SLC1A6: variants seen among roughly 807,000 people sequenced by gnomAD.
SLC1A6 encodes the protein excitatory amino acid transporter 4.
Under a neutral mutation model 42.1 loss-of-function variants are expected in SLC1A6, and 15 were observed. The observed-to-expected ratio is 0.36, with a 90% confidence interval of 0.24 to 0.55. The LOEUF is 0.55. Ranked by LOEUF, SLC1A6 falls within the 20% of genes least tolerant of loss-of-function variation. SLC1A6 has a pLI of 0.88. For missense variants in SLC1A6, 542 were observed against 772.5 expected (o/e 0.70, Z 3.54); for synonymous variants, 317 against 319.7 (o/e 0.99, Z 0.09).
intron 3 of SLC1A6, among the ~76,000 whole-genome samples, chr19:14,971,017 C>G (rs1319710969): frequency 2.0e-5 from 3 of 152,142 alleles, no homozygotes; most frequent in African/African-American, 7.2e-5. Flanking sequence ...GTAGTCCCAG[C>G]TACTCGGGAG....
At chr19:14,978,936 G>T (rs2045740793) in intron 1 of SLC1A6, among the ~76,000 whole-genome samples, 1 of 149,534 alleles carries the variant, frequency 6.7e-6, no homozygotes, top group Non-Finnish European at 1.5e-5. Context: ...ACTCTTTAGG[G>T]CACAAAACAC....
intron 9 of SLC1A6, 67 bp from the exon 10 acceptor site, chr19:14,950,457 G>A: frequency 8.0e-7 from 1 of 1,252,224 alleles, no homozygotes; most frequent in Non-Finnish European, 1.1e-6. Context: ...AGAGGGTGCA[G>A]CAGAGGGGGG....
At chr19:14,981,056 G>A (rs948680692), upstream of SLC1A6, among the ~76,000 whole-genome samples, 10 of 152,104 alleles carry the variant, frequency 6.6e-5, no homozygotes, top group East Asian at 1.4e-3. Context: ...ACATTGGGAC[G>A]CCAAGGAGAG....
intron 4 of SLC1A6, among the ~76,000 whole-genome samples, chr19:14,966,205 T>G (rs2045571896): frequency 6.6e-6 from 1 of 152,148 alleles, no homozygotes; most frequent in Non-Finnish European, 1.5e-5. Flanking sequence ...AAAAAATTTT[T>G]CATAGGCCGG....
chr19:14,980,708 G>A (rs2045762102), upstream of SLC1A6, among the ~76,000 whole-genome samples: 1 of 149,346 alleles, frequency 6.7e-6, no homozygotes, highest in Non-Finnish European at 1.5e-5. Context: ...TATTGTTGTT[G>A]TTGTTGATGA....
intron 1 of SLC1A6, among the ~76,000 whole-genome samples, chr19:15,007,579 T>C (rs1600044720): frequency 6.6e-6 from 1 of 152,236 alleles, no homozygotes; most frequent in East Asian, 1.9e-4. Flanking sequence ...AAGATGATCA[T>C]AGCATGTGAT....
intron 1 of SLC1A6, among the ~76,000 whole-genome samples, chr19:15,000,847 C>A (rs1007344531): frequency 1.3e-5 from 2 of 152,176 alleles, no homozygotes; most frequent in Admixed American, 6.6e-5. Context: ...TCTGCAATGA[C>A]CCTAATTCCA....
chr19:14,989,755 GGGGT>G (rs201870138), intron 1 of SLC1A6, among the ~76,000 whole-genome samples: 1 of 26,830 alleles, frequency 3.7e-5, no homozygotes, highest in East Asian at 1.4e-3. Flanking sequence ...GGGGTGGCGG[GGGGT>G]GGGGTGTGGA....
rs1400608066 is a variant in SLC1A6, at chr19:14,950,135, C to G, written c.*60G>C. On this transcript the variant is annotated 3_prime_UTR_variant, in exon 10 of 10. Coordinates refer to ENST00000594383, the MANE Select transcript of SLC1A6 (RefSeq NM_005071.3). ...GGTCAGTTGGGCAACAGATGTGTCA[C>G]CAGGACTCCCCTCCCCAGCCCCCTT... 1.5e-6 allele frequency: 2 copies of G among 1,298,040 alleles called. No individual in the cohort carries two copies. The highest frequency in any genetic ancestry group is 3.0e-5 in the African/African-American group (2 of 67,000). 80.4% of individuals were successfully genotyped at this position (1,298,040 alleles called of 1,614,324 possible).
chr19:14,975,639 C>G (rs533355891), intron 1 of SLC1A6, among the ~76,000 whole-genome samples: 1 of 151,672 alleles, frequency 6.6e-6, no homozygotes, highest in South Asian at 2.1e-4. Context: ...GTAATCCCAG[C>G]TACTCCAGAG....
At chr19:14,990,789 A>AC (rs1555709876) in intron 1 of SLC1A6, among the ~76,000 whole-genome samples, 3,738 of 109,682 alleles carry the variant, frequency 0.034, 58 homozygotes, top group East Asian at 0.057. Context: ...AACAAAACAA[A>AC]AAAAAAAAAA....
chr19:14,996,363 G>A (rs1319141871), intron 1 of SLC1A6, among the ~76,000 whole-genome samples: 6 of 152,200 alleles, frequency 3.9e-5, no homozygotes, highest in African/African-American at 1.4e-4. Context: ...GAAGACGGAT[G>A]AAGGTAATGG....
In SLC1A6 at chr19:14,971,845, A is replaced by G; in HGVS notation, c.235T>C (p.Tyr79His). 6.2e-7 allele frequency: 1 copy of G among 1,614,174 alleles called. No homozygotes were observed. The highest frequency in any genetic ancestry group is 8.5e-7 in the Non-Finnish European group (1 of 1,180,006). Residue 79 changes from tyrosine to histidine, a missense_variant, in exon 3 of 10, where the codon TAT becomes CAT. Transcript: ENST00000594383. ...TTGATCTGGCGGTAGGTGAGCTGATATGGGCGCAGGGCAAAGGCCAGGCTG... is the reference window on the plus strand; with the variant it reads ...TTGATCTGGCGGTAGGTGAGCTGATGTGGGCGCAGGGCAAAGGCCAGGCTG... Reference protein sequence around the residue: ...GVSLAFALRPYQLTYRQIKYF... With the variant: ...GVSLAFALRPHQLTYRQIKYF...
chr19:14,958,429 GA>G (rs1471135202), intron 6 of SLC1A6, among the ~76,000 whole-genome samples: 1 of 151,434 alleles, frequency 6.6e-6, no homozygotes, highest in Non-Finnish European at 1.5e-5. Context: ...AAAAAAATTT[GA>G]AATCTACTTT....
intron 1 of SLC1A6, among the ~76,000 whole-genome samples, chr19:14,997,406 T>G (rs147443445): frequency 2.0e-5 from 3 of 152,280 alleles, no homozygotes; most frequent in African/African-American, 7.2e-5. Flanking sequence ...TGAGGATGTA[T>G]CACAGGCACT....
chr19:14,994,484 C>A (rs887980132), intron 1 of SLC1A6, among the ~76,000 whole-genome samples: 1 of 152,084 alleles, frequency 6.6e-6, no homozygotes, highest in Non-Finnish European at 1.5e-5. Flanking sequence ...TTCTTTACCC[C>A]CTACCACACC....
chr19:15,008,016 AG>A (rs1333000071), intron 1 of SLC1A6, among the ~76,000 whole-genome samples: 2 of 122,302 alleles, frequency 1.6e-5, no homozygotes, highest in African/African-American at 6.4e-5. Flanking sequence ...CAAGATCAAA[AG>A]TCTGCCCCCC....
rs780591971 is a variant in SLC1A6, at chr19:14,956,728, TACCTGTCAGGGCTCCCTCCTG to T, written c.936-40_936-20del. 1.3e-6 allele frequency: 2 copies of T among 1,539,544 alleles called. No homozygotes were observed. Among genetic ancestry groups the T allele is most frequent in the Admixed American group, 1.7e-5 (1 of 58,454 alleles). ...TGCATACCTGTGTGAGGGAGCCACA[TACCTGTCAGGGCTCCCTCCTG>T]ACCTCCCTTGCAGGTCTGAAGGTGG... On this transcript the variant is annotated intron_variant, in intron 6 of 9. Coordinates refer to ENST00000594383, the MANE Select transcript of SLC1A6 (RefSeq NM_005071.3).
chr19:14,985,141 C>T (rs141001378), intron 1 of SLC1A6, among the ~76,000 whole-genome samples: 1,730 of 152,338 alleles, frequency 0.011, 34 homozygotes, highest in African/African-American at 0.04. Context: ...ATCGGCCTCC[C>T]GAAGTGCTGG....
Sources: gnomAD v4.1 joint callset for allele counts (sites outside exome capture counted in the v4.1 genomes callset) on GRCh38, gnomAD v4.1.1 for gene constraint, MANE v1.5 for transcripts, NCBI Gene and HGNC (gene_info 2026-07-23, HGNC 2026-07-21) for gene names.